The following GNG2 variants were observed in gnomAD, a reference collection of about 807,000 sequenced individuals.
GNG2 encodes G protein subunit gamma 2.
GNG2 carries 5 observed loss-of-function variants against 5.5 expected under a neutral mutation model. The observed-to-expected ratio is 0.91, with a 90% CI of 0.48 to 1.92. GNG2 has a LOEUF of 1.92. GNG2 is among the 30% of genes most tolerant of loss of function. The pLI, the probability that GNG2 is intolerant of heterozygous loss-of-function variation, is 0.01. For missense variants in GNG2, 55 were observed against 88.4 expected (o/e 0.62, Z 1.52); for synonymous variants, 28 against 32.0 (o/e 0.88, Z 0.42).
intron 3 of GNG2, among the ~76,000 whole-genome samples, chr14:51,954,956 A>G (rs1253926667): frequency 6.6e-6 from 1 of 152,202 alleles, no homozygotes; most frequent in Non-Finnish European, 1.5e-5. Context: ...TTATACAGAC[A>G]TAGCCCCTAG....
chr14:51,922,715 T>G (rs1473915766), intron 2 of GNG2, among the ~76,000 whole-genome samples: 2 of 152,000 alleles, frequency 1.3e-5, no homozygotes, highest in Non-Finnish European at 2.9e-5. Context: ...TCCTAAAGAG[T>G]AAGAAACAAA....
At chr14:51,959,958 T>A (rs953706480) in intron 3 of GNG2, among the ~76,000 whole-genome samples, 2 of 152,178 alleles carry the variant, frequency 1.3e-5, no homozygotes, top group Admixed American at 6.5e-5. Flanking sequence ...TGTGCCTTGG[T>A]GTCGTTTGAT....
upstream of GNG2, chr14:51,860,299 CA>C (rs1555349016): frequency 6.6e-6 from 1 of 152,254 alleles, no homozygotes; most frequent in Non-Finnish European, 1.5e-5. Flanking sequence ...GCTAAAAAAG[CA>C]GGCAGTGTGC....
chr14:51,850,601 C>T (rs1230409632), intron 2 of GNG2, among the ~76,000 whole-genome samples: 2 of 152,170 alleles, frequency 1.3e-5, no homozygotes, highest in East Asian at 1.9e-4. Flanking sequence ...TCTTGCATTG[C>T]TATAAAGAAA....
chr14:51,861,615 A>G (rs1220108753), intron 1 of GNG2, among the ~76,000 whole-genome samples: 1 of 152,222 alleles, frequency 6.6e-6, no homozygotes, highest in East Asian at 1.9e-4. Flanking sequence ...CTGAAGTAGT[A>G]AAACCAGAAC....
chr14:51,962,083 C>T (rs943072226), intron 3 of GNG2, among the ~76,000 whole-genome samples: 5 of 152,156 alleles, frequency 3.3e-5, no homozygotes, highest in South Asian at 2.1e-4. Context: ...GTGCTCTTGA[C>T]TCATTTGTCT....
rs572087669 is a variant in GNG2, at chr14:51,877,549, T to C, written c.-70-68T>C. The stretch of plus-strand genomic sequence containing the variant: ...TCAGAAACTTCATTCATTCTACTTA[T>C]CCAGCTCTTGTGTATCATGTTATTT... On this transcript the variant is annotated intron_variant, in intron 1 of 3. Transcript: ENST00000556766. 4.0e-5 allele frequency: 18 copies of C among 450,550 alleles called. No homozygotes were observed. In the East Asian group the frequency reaches 1.3e-3, roughly 31 times the overall value. The allele number at this position is 450,550 out of a possible 1,614,324, so 27.9% of individuals were successfully genotyped here. A position where few individuals can be genotyped will look rare whatever the true frequency, so the allele number is the denominator to read the frequency against.
At chr14:51,856,959 T>C (rs191273328), upstream of GNG2, among the ~76,000 whole-genome samples, 1 of 152,332 alleles carries the variant, frequency 6.6e-6, no homozygotes, top group Admixed American at 6.5e-5. Context: ...CTTCTCATTT[T>C]TGAGACTTCC....
chr14:51,857,973 C>T (rs1298635990), upstream of GNG2, among the ~76,000 whole-genome samples: 1 of 152,184 alleles, frequency 6.6e-6, no homozygotes, highest in Non-Finnish European at 1.5e-5. Context: ...CATTACCCAA[C>T]CTCCGCTACC....
At chr14:51,864,658 C>T (rs1882750237) in intron 1 of GNG2, among the ~76,000 whole-genome samples, 1 of 152,142 alleles carries the variant, frequency 6.6e-6, no homozygotes, top group African/African-American at 2.4e-5. Flanking sequence ...TTCTGCTGGT[C>T]AAATCTCAGA....
In GNG2 at chr14:51,863,902, A is replaced by T. The variant is rs113660493; in HGVS notation, c.-71+3112A>T. The stretch of plus-strand genomic sequence containing the variant: ...TAATATTCCATTGAATGTATAGACT[A>T]TACTTTGTTTATTCTCTTTTGATGG... On this transcript the variant is annotated intron_variant, in intron 1 of 3. Transcript: ENST00000556766. Among the ~76,000 whole-genome samples, 1,114 of 152,316 alleles carry T rather than the reference A, an allele frequency of 7.3e-3. 7 individuals carry two copies. Among genetic ancestry groups the T allele is most frequent in the Non-Finnish European group, 0.011 (732 of 68,012 alleles).
intron 1 of GNG2, among the ~76,000 whole-genome samples, chr14:51,863,229 C>T (rs1054716365): frequency 1.3e-5 from 2 of 152,186 alleles, no homozygotes; most frequent in African/African-American, 4.8e-5. Flanking sequence ...GAAAAGAACG[C>T]AGGCTTTGGA....
chr14:51,937,934 C>T (rs965395985), intron 2 of GNG2, among the ~76,000 whole-genome samples: 1 of 152,100 alleles, frequency 6.6e-6, no homozygotes, highest in Non-Finnish European at 1.5e-5. Flanking sequence ...GCTAGGCTTG[C>T]AAGTTTATTC....
intron 1 of GNG2, among the ~76,000 whole-genome samples, chr14:51,871,985 G>A (rs941622565): frequency 6.6e-6 from 1 of 152,186 alleles, no homozygotes; most frequent in Non-Finnish European, 1.5e-5. Flanking sequence ...ACAGAAGTGA[G>A]GTGCATCACT....
chr14:51,919,636 C>T (rs918083479), intron 2 of GNG2, among the ~76,000 whole-genome samples: 1 of 152,118 alleles, frequency 6.6e-6, no homozygotes, highest in Non-Finnish European at 1.5e-5. Flanking sequence ...GTTCCTGGAC[C>T]CTGAATGAAA....
chr14:51,882,341 T>G lies in GNG2; in HGVS notation c.-30+4684T>G, dbSNP rs531338470. Among the ~76,000 whole-genome samples the G allele has an allele frequency of 2.0e-5, 3 of 152,346 alleles. No homozygotes were observed. In the South Asian group the frequency reaches 6.2e-4, roughly 32 times the overall value. On this transcript the variant is annotated intron_variant, in intron 2 of 3. Coordinates refer to ENST00000556766, the MANE Select transcript of GNG2 (RefSeq NM_053064.5). ...AGGAAAAAAGAAAAGGACTGTTTCC[T>G]CCTACCTTCAAATTCTGGAAAAAGT... is the stretch of plus-strand genomic sequence containing the variant.
chr14:51,878,094 A>G (rs954746114), intron 2 of GNG2: 4 of 166,450 alleles, frequency 2.4e-5, no homozygotes, highest in Non-Finnish European at 5.1e-5. Flanking sequence ...AGCAGCAGCA[A>G]CAACAACAAC....
rs1351680544 is a variant in GNG2 at position 51,919,462 on chromosome 14, A to G, written c.-29-31188A>G. On this transcript the variant is annotated intron_variant, in intron 2 of 3. Coordinates refer to ENST00000556766, the MANE Select transcript of GNG2 (RefSeq NM_053064.5). ...AATTGTTTTATCTAGCCTTTCAAGC[A>G]GGTCCCCAGAAGAAGTGTTTTGTAG... 5.3e-5 allele frequency among the ~76,000 whole-genome samples: 8 copies of G among 152,352 alleles called. No homozygotes were observed. The East Asian group carries it at 1.3e-3, about 26-fold the overall frequency.
At chr14:51,881,701 CTTTTTTTTT>C (rs58544362) in intron 2 of GNG2, among the ~76,000 whole-genome samples, 3 of 104,222 alleles carry the variant, frequency 2.9e-5, no homozygotes, top group South Asian at 7.0e-4. Context: ...AGCTGGAAGA[CTTTTTTTTT>C]TTTTTTTTTT....
Sources: allele counts gnomAD v4.1 joint callset (sites outside exome capture counted in the v4.1 genomes callset), GRCh38; gene constraint gnomAD v4.1.1; transcripts MANE v1.5; gene names NCBI Gene and HGNC (gene_info 2026-07-23, HGNC 2026-07-21).